The following FUT8 variants were observed in gnomAD, a reference collection of about 807,000 sequenced individuals.
FUT8 encodes fucosyltransferase 8.
A neutral mutation model predicts 71.3 loss-of-function variants in FUT8; 29 were observed. That is an observed-to-expected ratio of 0.41 (90% CI 0.30 to 0.55). The LOEUF is 0.55. FUT8 is among the 20% of genes least tolerant of loss of function. The probability of loss-of-function intolerance (pLI) is 0.34; values close to 1 mark genes in which losing one functional copy is unlikely to be tolerated. For missense variants in FUT8, 544 were observed against 702.1 expected, an observed-to-expected ratio of 0.77 and a Z score of 2.55; for synonymous variants, 254 against 239.3, an observed-to-expected ratio of 1.06 and a Z score of -0.57.
intron 5 of FUT8, among the ~76,000 whole-genome samples, chr14:65,620,494 A>G (rs1889548623): frequency 6.6e-6 from 1 of 152,236 alleles, no homozygotes; most frequent in African/African-American, 2.4e-5. Flanking sequence ...ACACTGGGAA[A>G]GATTGATAGA....
chr14:65,668,721 A>G (rs1488850980), intron 6 of FUT8, among the ~76,000 whole-genome samples: 1 of 152,186 alleles, frequency 6.6e-6, no homozygotes, highest in Non-Finnish European at 1.5e-5. Flanking sequence ...ATAAAGACAC[A>G]TGCAATTAAC....
chr14:65,486,814 A>G lies in FUT8; in HGVS notation c.-228+31096A>G, dbSNP rs2066415837. On this transcript the variant is annotated intron_variant, in intron 2 of 10. Transcript: ENST00000673929. ...GTGAGCCTTAAATAGAATCAATTAC[A>G]TAGAAGTATATAGCAGTATGTTTGT... is the stretch of plus-strand genomic sequence containing the variant. Among the ~76,000 whole-genome samples the G allele has an allele frequency of 2.0e-5, 3 of 152,230 alleles. No homozygotes were observed. In the South Asian group the frequency reaches 6.2e-4, roughly 32 times the overall value.
chr14:65,561,520 C>G lies in FUT8; in HGVS notation c.-44C>G. On this transcript the variant is annotated 5_prime_UTR_variant, in exon 3 of 11. Transcript: ENST00000673929. ...AAACAGAGTTACAATGTTTTCAATT[C>G]TTTGAGCTCCAGGACTCCAGGGAAG... The G allele has an allele frequency of 6.3e-7, 1 of 1,582,032 alleles. No homozygotes were observed.
At chr14:65,579,164 G>A (rs555079658) in intron 3 of FUT8, among the ~76,000 whole-genome samples, 1 of 152,278 alleles carries the variant, frequency 6.6e-6, no homozygotes, top group African/African-American at 2.4e-5. Flanking sequence ...CTGCAGGTCA[G>A]TGGCAGAAGA....
At chr14:65,565,371 C>T (rs992399065) in intron 3 of FUT8, among the ~76,000 whole-genome samples, 2 of 151,640 alleles carry the variant, frequency 1.3e-5, no homozygotes, top group Non-Finnish European at 2.9e-5. Context: ...CAAATCATAG[C>T]AAGATATATC....
intron 1 of FUT8, among the ~76,000 whole-genome samples, chr14:65,443,179 G>A (rs2139497305): frequency 6.6e-6 from 1 of 152,136 alleles, no homozygotes; most frequent in Non-Finnish European, 1.5e-5. Flanking sequence ...GGGAGGCTGA[G>A]ATGGGTGGAT....
chr14:65,535,076 TTTTTAA>T (rs1884206104), intron 2 of FUT8, among the ~76,000 whole-genome samples: 1 of 150,936 alleles, frequency 6.6e-6, no homozygotes, highest in Non-Finnish European at 1.5e-5. Flanking sequence ...TAAATGCTAT[TTTTTAA>T]TTTTATTTTT....
At chr14:65,693,754 A>T (rs967845642) in intron 7 of FUT8, among the ~76,000 whole-genome samples, 26 of 152,380 alleles carry the variant, frequency 1.7e-4, no homozygotes, top group Middle Eastern at 3.4e-3. Context: ...GGAAGAAATT[A>T]TACAGAATTG....
intron 2 of FUT8, among the ~76,000 whole-genome samples, chr14:65,542,414 T>A (rs1321018362): frequency 6.6e-6 from 1 of 152,234 alleles, no homozygotes; most frequent in Non-Finnish European, 1.5e-5. Flanking sequence ...TATGTGTATT[T>A]GTCTTTAGCA....
intron 3 of FUT8, among the ~76,000 whole-genome samples, chr14:65,568,971 A>G (rs1886338262): frequency 6.6e-6 from 1 of 151,726 alleles, no homozygotes; most frequent in Non-Finnish European, 1.5e-5. Context: ...TTTTTTAAAA[A>G]CTTTATCTTT....
At chr14:65,412,139 C>G (rs972223480), upstream of FUT8, 2 of 456,418 alleles carry the variant, frequency 4.4e-6, no homozygotes, top group African/African-American at 4.0e-5. Context: ...TGGGGGGGGT[C>G]TTTCTCTTCG....
chr14:65,611,268 CACACACACACACACACACACACACACACA>C (rs1888958477), intron 3 of FUT8, among the ~76,000 whole-genome samples: 2 of 73,660 alleles, frequency 2.7e-5, no homozygotes, highest in Admixed American at 1.4e-4. Flanking sequence ...CACACACACA[CACACACACACACACACACACACACACACA>C]CACACCCCCC....
chr14:65,468,358 T>C, intron 2 of FUT8: 1 of 554,384 alleles, frequency 1.8e-6, no homozygotes, highest in Non-Finnish European at 3.4e-6. Flanking sequence ...GGCGAATTAC[T>C]GGAAGATGGT....
At chr14:65,645,666 T>C (rs898489151) in intron 6 of FUT8, among the ~76,000 whole-genome samples, 7 of 152,220 alleles carry the variant, frequency 4.6e-5, no homozygotes, top group Non-Finnish European at 1.0e-4. Context: ...AAATGGTTCA[T>C]ATAATTGCTT....
chr14:65,482,052 G>A (rs1327376406), intron 2 of FUT8, among the ~76,000 whole-genome samples: 1 of 152,046 alleles, frequency 6.6e-6, no homozygotes, highest in African/African-American at 2.4e-5. Context: ...TTTTGTTTAT[G>A]TATCTAAGAT....
At chr14:65,499,109 C>T (rs933084699) in intron 2 of FUT8, among the ~76,000 whole-genome samples, 14 of 152,144 alleles carry the variant, frequency 9.2e-5, no homozygotes, top group Admixed American at 6.6e-5. Flanking sequence ...ACAGTGATCT[C>T]ACTGTATGTT....
chr14:65,494,624 T>C lies in FUT8; in HGVS notation c.-228+38906T>C, dbSNP rs563387769. On this transcript the variant is annotated intron_variant, in intron 2 of 10. Coordinates refer to ENST00000673929, the MANE Select transcript of FUT8 (RefSeq NM_001371533.1). ...ATTTTTTAAATTTTACTTTAAGTTC[T>C]GGGATACATGTGCAGAATGTGCAGG... 1.7e-3 allele frequency among the ~76,000 whole-genome samples: 252 copies of C among 152,236 alleles called. 2 individuals are homozygous for C. The highest frequency in any genetic ancestry group is 1.8e-3 in the Non-Finnish European group (121 of 68,006).
chr14:65,649,270 C>A (rs1188785939), intron 6 of FUT8, among the ~76,000 whole-genome samples: 1 of 152,188 alleles, frequency 6.6e-6, no homozygotes, highest in East Asian at 1.9e-4. Flanking sequence ...TTTCTCAGAT[C>A]TACCTGAGGT....
At chr14:65,425,192 T>C (rs1264110640) in intron 1 of FUT8, among the ~76,000 whole-genome samples, 1 of 149,482 alleles carries the variant, frequency 6.7e-6, no homozygotes, top group Non-Finnish European at 1.5e-5. Context: ...TGAGACGGAG[T>C]TTCACTCTTG....
Sources: allele counts gnomAD v4.1 joint callset (sites outside exome capture counted in the v4.1 genomes callset), GRCh38; gene constraint gnomAD v4.1.1; transcripts MANE v1.5; gene names NCBI Gene and HGNC (gene_info 2026-07-23, HGNC 2026-07-21).